Variants in PDE4D observed in about 807,000 individuals in gnomAD.
PDE4D encodes phosphodiesterase 4D.
PDE4D carries 24 observed loss-of-function variants against 87.4 expected under a neutral mutation model. The observed-to-expected ratio is 0.27, with a 90% CI of 0.20 to 0.39. PDE4D has a LOEUF of 0.39. PDE4D is among the 10% of genes least tolerant of loss of function. The probability of loss-of-function intolerance (pLI) is 1.00; values close to 1 mark genes in which losing one functional copy is unlikely to be tolerated. For missense variants in PDE4D, 714 were observed against 1,041.0 expected (o/e 0.69, Z 4.32); for synonymous variants, 384 against 383.2 (o/e 1.00, Z -0.02).
Position 59,030,282 on chromosome 5 carries a change from T to C in PDE4D, c.921+8577A>G, listed in dbSNP as rs117217328. Among the ~76,000 whole-genome samples, 390 of 151,982 alleles carry C rather than the reference T, an allele frequency of 2.6e-3. 6 individuals are homozygous for C. The East Asian group carries it at 0.048, about 19-fold the overall frequency. ...GGAGAAAATATCTGCAAACCATACA[T>C]CTGATAAGAGGCTAATATTCAAAAT... On this transcript the variant is annotated intron_variant, in intron 6 of 14. Coordinates refer to ENST00000340635, the MANE Select transcript of PDE4D (RefSeq NM_001104631.2).
At chr5:59,779,257 C>T (rs1268338677) in intron 1 of PDE4D, among the ~76,000 whole-genome samples, 1 of 152,030 alleles carries the variant, frequency 6.6e-6, no homozygotes, top group East Asian at 1.9e-4. Context: ...ATGATGTATT[C>T]TCATTGTAAA....
chr5:59,073,524 T>A (rs1185652792), intron 5 of PDE4D, among the ~76,000 whole-genome samples: 1 of 130,620 alleles, frequency 7.7e-6, no homozygotes, highest in Non-Finnish European at 1.7e-5. Flanking sequence ...GGCGGGTGGT[T>A]GGAGATGAGG....
chr5:59,961,459 G>A (rs997388641), intron 3 of PDE4D, among the ~76,000 whole-genome samples: 8 of 152,026 alleles, frequency 5.3e-5, no homozygotes, highest in Non-Finnish European at 1.2e-4. Flanking sequence ...CAGCCCTACA[G>A]CACCTTGATT....
intron 6 of PDE4D, among the ~76,000 whole-genome samples, chr5:59,035,000 C>A (rs145749873): frequency 6.6e-6 from 1 of 152,330 alleles, no homozygotes; most frequent in Non-Finnish European, 1.5e-5. Context: ...TATTAGGTCA[C>A]AAGAGGATAA....
At chr5:58,979,868 CTACT>C (rs1448673759) in intron 11 of PDE4D, among the ~76,000 whole-genome samples, 1 of 152,148 alleles carries the variant, frequency 6.6e-6, no homozygotes, top group Non-Finnish European at 1.5e-5. Flanking sequence ...CCCTCCCAAC[CTACT>C]TAGAGACTTA....
chr5:59,053,638 G>GTTTTTTTTTTTTTTTTTTT (rs1205199951), intron 5 of PDE4D, among the ~76,000 whole-genome samples: 1 of 84,702 alleles, frequency 1.2e-5, no homozygotes. Flanking sequence ...AAGTTGTTTT[G>GTTTTTTTTTTTTTTTTTTT]TTTTTTGTTT....
At chr5:60,415,159 T>C (rs1472620849) in intron 1 of PDE4D, among the ~76,000 whole-genome samples, 1 of 152,252 alleles carries the variant, frequency 6.6e-6, no homozygotes, top group Non-Finnish European at 1.5e-5. Flanking sequence ...AGCACCTATT[T>C]CCTAGACCCT....
At chr5:60,353,860 A>C (rs970085111) in intron 1 of PDE4D, among the ~76,000 whole-genome samples, 3 of 152,178 alleles carry the variant, frequency 2.0e-5, no homozygotes, top group African/African-American at 7.2e-5. Flanking sequence ...TCACTGGGCC[A>C]GGGTCTTCAA....
At chr5:59,484,765 G>A (rs1804820476) in intron 1 of PDE4D, among the ~76,000 whole-genome samples, 1 of 152,164 alleles carries the variant, frequency 6.6e-6, no homozygotes, top group South Asian at 2.1e-4. Flanking sequence ...TGTAGTTTAA[G>A]CTTCAATTCT....
chr5:60,069,889 TGTTA>T (rs142655789), intron 2 of PDE4D, among the ~76,000 whole-genome samples: 1,984 of 152,230 alleles, frequency 0.013, 35 homozygotes, highest in African/African-American at 0.046. Flanking sequence ...TCTTTCACCT[TGTTA>T]GTTAGGTTTA....
intron 5 of PDE4D, among the ~76,000 whole-genome samples, chr5:59,067,461 C>CT (rs1488545214): frequency 6.6e-6 from 1 of 152,118 alleles, no homozygotes; most frequent in Non-Finnish European, 1.5e-5. Flanking sequence ...TCAATTAGTA[C>CT]TTTTTTTGAA....
intron 1 of PDE4D, among the ~76,000 whole-genome samples, chr5:60,423,632 G>A (rs1184795299): frequency 6.6e-6 from 1 of 152,050 alleles, no homozygotes; most frequent in Non-Finnish European, 1.5e-5. Flanking sequence ...ACAATTAAAA[G>A]AACTAGAGAA....
In PDE4D at chr5:59,931,859, A is replaced by G. The variant is rs572072315; in HGVS notation, c.272+56629T>C. 2.1e-3 allele frequency among the ~76,000 whole-genome samples: 321 copies of G among 151,510 alleles called. 2 individuals are homozygous for G. Among genetic ancestry groups the G allele is most frequent in the Middle Eastern group, 6.8e-3 (2 of 292 alleles). On this transcript the variant is annotated intron_variant, in intron 3 of 16. Coordinates refer to the PDE4D transcript ENST00000502484. The stretch of plus-strand genomic sequence containing the variant: ...TAGGACTACAGGCACCTGCCACCAT[A>G]CCCGGCTAATTTTTTGTGATTTTAG...
At position 59,133,585 on chromosome 5, in the gene PDE4D, G is replaced by A. The variant is rs373537515; in HGVS notation, c.808+47010C>T. ...AATTCTGCTAGTATACTGTAGAAAA[G>A]TACACTAGGTCCTGTTTGTGGCCTC... On this transcript the variant is annotated intron_variant, in intron 5 of 14. Transcript: ENST00000340635. Among the ~76,000 whole-genome samples, 170 of 152,246 alleles carry A rather than the reference G, an allele frequency of 1.1e-3. 1 individual carries two copies. The Middle Eastern group carries it at 0.027, about 24-fold the overall frequency.
rs10586960 is a variant in PDE4D at position 59,536,504 on chromosome 5, C to CAAAAAAA, written c.456-320543_456-320537dup. ...TGGGCAACAGAGCAAGACTCAGCCTCAAAAAAAAAAAAAAAAAAAAAAAAA... is the reference window on the plus strand; with the variant it reads ...TGGGCAACAGAGCAAGACTCAGCCTCAAAAAAAAAAAAAAAAAAAAAAAAAAAAAAAA... On this transcript the variant is annotated intron_variant, in intron 1 of 14. Transcript: ENST00000340635. Among the ~76,000 whole-genome samples, 23 of 56,374 alleles carry CAAAAAAA rather than the reference C, an allele frequency of 4.1e-4. 1 individual carries two copies. The highest frequency in any genetic ancestry group is 1.9e-3 in the African/African-American group (20 of 10,700). The allele number at this position is 56,374 out of a possible 152,430, so 37.0% of individuals were successfully genotyped here.
At chr5:59,585,151 C>T (rs961906380) in intron 1 of PDE4D, among the ~76,000 whole-genome samples, 10 of 152,192 alleles carry the variant, frequency 6.6e-5, no homozygotes, top group East Asian at 1.9e-4. Context: ...AAGGTAGATA[C>T]GCCACAGCAT....
chr5:59,551,008 T>C (rs1009558835), intron 1 of PDE4D, among the ~76,000 whole-genome samples: 1 of 152,090 alleles, frequency 6.6e-6, no homozygotes, highest in African/African-American at 2.4e-5. Context: ...TTTCTAAGGA[T>C]TTTTAAGACA....
At chr5:58,988,940 T>G (rs1747217498) in intron 10 of PDE4D, among the ~76,000 whole-genome samples, 1 of 152,206 alleles carries the variant, frequency 6.6e-6, no homozygotes, top group Admixed American at 6.5e-5. Flanking sequence ...ATAAAATTAG[T>G]AAGACATTAG....
At chr5:60,514,109 G>T (rs1750692607) in intron 1 of PDE4D, among the ~76,000 whole-genome samples, 1 of 151,724 alleles carries the variant, frequency 6.6e-6, no homozygotes, top group African/African-American at 2.4e-5. Flanking sequence ...ACTGATAAAG[G>T]AGGAAATAAC....
Sources: gnomAD v4.1 joint callset for allele counts (sites outside exome capture counted in the v4.1 genomes callset) on GRCh38, gnomAD v4.1.1 for gene constraint, MANE v1.5 for transcripts, NCBI Gene and HGNC (gene_info 2026-07-23, HGNC 2026-07-21) for gene names.